Variants in DPP6 observed in about 807,000 individuals in gnomAD.
The protein encoded by DPP6 is A-type potassium channel modulatory protein DPP6.
In DPP6, 69 loss-of-function variants were observed where a neutral mutation model predicts 122.6. That is an observed-to-expected ratio of 0.56 (90% CI 0.46 to 0.69). The LOEUF is 0.69. DPP6 is among the 30% of genes least tolerant of loss of function. DPP6 has a pLI of 0.00. For missense variants in DPP6, 928 were observed against 1,116.9 expected, an observed-to-expected ratio of 0.83 and a Z score of 2.41; for synonymous variants, 418 against 433.1, an observed-to-expected ratio of 0.97 and a Z score of 0.43.
intron 1 of DPP6, among the ~76,000 whole-genome samples, chr7:154,208,429 G>T (rs564501239): frequency 6.6e-6 from 1 of 152,312 alleles, no homozygotes; most frequent in East Asian, 1.9e-4. Context: ...CCAGGGCTTC[G>T]CAAGGCCCAG....
Position 154,570,365 on chromosome 7 carries a change from A to G in DPP6, c.627+3449A>G, listed in dbSNP as rs10240448. Among the ~76,000 whole-genome samples, 1,275 of 152,088 alleles carry G rather than the reference A, an allele frequency of 8.4e-3. 46 individuals carry two copies. The highest frequency in any genetic ancestry group is 0.029 in the African/African-American group (1,197 of 41,364). On this transcript the variant is annotated intron_variant, in intron 5 of 25. Transcript: ENST00000377770. ...ATTTCCCAGTTGTTTGGCATAGACT[A>G]ATTTAATTTGTCCATTTTTATATTG...
At chr7:154,160,732 C>T (rs1488136664) in intron 1 of DPP6, among the ~76,000 whole-genome samples, 2 of 152,108 alleles carry the variant, frequency 1.3e-5, no homozygotes, top group African/African-American at 4.8e-5. Context: ...CGGCTCACTT[C>T]CAGAAGACAG....
At chr7:154,446,394 A>T (rs1156715611) in intron 2 of DPP6, 66 bp downstream of exon 2, 5 of 1,253,316 alleles carry the variant, frequency 4.0e-6, no homozygotes, top group Non-Finnish European at 5.6e-6. Flanking sequence ...TTACCTTGCA[A>T]TTTTTTTCTA....
At chr7:153,774,587 A>G in the DPP6 span, among the ~76,000 whole-genome samples, 1 of 152,210 alleles carries the variant, frequency 6.6e-6, no homozygotes, top group Non-Finnish European at 1.5e-5. Flanking sequence ...TATCAATTAA[A>G]TACATTGAAG....
chr7:154,092,280 G>A (rs1345001852), intron 1 of DPP6: 1 of 152,160 alleles, frequency 6.6e-6, no homozygotes, highest in Non-Finnish European at 1.5e-5. Context: ...CAGAGGCACA[G>A]GACCGTGACC....
the DPP6 span, among the ~76,000 whole-genome samples, chr7:153,785,123 C>A: frequency 4.6e-5 from 7 of 152,056 alleles, no homozygotes; most frequent in African/African-American, 1.7e-4. Flanking sequence ...GTTGGTGATG[C>A]TTGGTTGGGA....
chr7:153,840,020 A>G, the DPP6 span, among the ~76,000 whole-genome samples: 1 of 152,214 alleles, frequency 6.6e-6, no homozygotes, highest in African/African-American at 2.4e-5. Context: ...TGAAAGCTCT[A>G]CATAGCCACT....
At chr7:153,906,581 G>A (rs910484920) in intron 1 of DPP6, among the ~76,000 whole-genome samples, 8 of 152,170 alleles carry the variant, frequency 5.3e-5, no homozygotes, top group South Asian at 2.1e-4. Flanking sequence ...CTCCTGAGTA[G>A]CTGGGACCAC....
intron 1 of DPP6, among the ~76,000 whole-genome samples, chr7:154,062,322 G>C (rs368733997): frequency 1.1e-4 from 7 of 62,358 alleles, no homozygotes; most frequent in Admixed American, 1.7e-4. Context: ...CCCCATCGCA[G>C]GAGGGGGAGG....
chr7:154,297,350 C>A (rs1332739965), intron 1 of DPP6, among the ~76,000 whole-genome samples: 1 of 152,194 alleles, frequency 6.6e-6, no homozygotes, highest in Non-Finnish European at 1.5e-5. Flanking sequence ...GGCTTAGCTG[C>A]ATTCCAATAA....
At chr7:154,677,423 G>A (rs538667534) in intron 7 of DPP6, among the ~76,000 whole-genome samples, 7 of 152,106 alleles carry the variant, frequency 4.6e-5, no homozygotes, top group Non-Finnish European at 1.0e-4. Flanking sequence ...CTTACCTTAT[G>A]GCATTGGGGT....
At chr7:154,564,851 G>A (rs1042425387) in intron 4 of DPP6, among the ~76,000 whole-genome samples, 1 of 152,190 alleles carries the variant, frequency 6.6e-6, no homozygotes, top group Non-Finnish European at 1.5e-5. Flanking sequence ...AACTGCAGCA[G>A]AACAAAGCAC....
At chr7:153,804,414 T>C in the DPP6 span, among the ~76,000 whole-genome samples, 4 of 152,162 alleles carry the variant, frequency 2.6e-5, no homozygotes, top group African/African-American at 9.7e-5. Flanking sequence ...AATTTTAGTG[T>C]AGAGATAATT....
At chr7:154,593,493 GGACTATT>G (rs1832920404) in intron 5 of DPP6, among the ~76,000 whole-genome samples, 1 of 152,122 alleles carries the variant, frequency 6.6e-6, no homozygotes, top group Non-Finnish European at 1.5e-5. Flanking sequence ...CTTGGATGTT[GGACTATT>G]GATTATCAAC....
chr7:154,630,654 A>T (rs948617548), intron 5 of DPP6, among the ~76,000 whole-genome samples: 1 of 152,230 alleles, frequency 6.6e-6, no homozygotes, highest in Admixed American at 6.5e-5. Context: ...TGAAGCTGGA[A>T]GCCATCATTC....
chr7:154,865,117 C>T (rs985905779), intron 17 of DPP6, among the ~76,000 whole-genome samples: 6 of 152,176 alleles, frequency 3.9e-5, no homozygotes, highest in African/African-American at 1.2e-4. Context: ...TCCAGACAGG[C>T]TCTTGCCACT....
At chr7:153,798,925 G>A in the DPP6 span, among the ~76,000 whole-genome samples, 6 of 152,192 alleles carry the variant, frequency 3.9e-5, no homozygotes, top group South Asian at 2.1e-4. Flanking sequence ...TCACAACAGA[G>A]TTCCAGCTCC....
At position 154,404,052 on chromosome 7, in the gene DPP6, T is replaced by C. The variant is rs186699936; in HGVS notation, c.244-42162T>C. Among the ~76,000 whole-genome samples, 183 of 152,320 alleles carry C rather than the reference T, an allele frequency of 1.2e-3. 2 individuals are homozygous for C. The highest frequency in any genetic ancestry group is 6.8e-3 in the Middle Eastern group (2 of 294). ...TCCTTCACAAACACACCCCAGAGAT[T>C]AGCTCATTATAGGTTTTATTCAACA... On this transcript the variant is annotated intron_variant, in intron 1 of 25. Transcript: ENST00000377770.
chr7:153,851,110 A>G, the DPP6 span, among the ~76,000 whole-genome samples: 2 of 152,140 alleles, frequency 1.3e-5, no homozygotes, highest in Non-Finnish European at 2.9e-5. Flanking sequence ...CAGATTATAT[A>G]TTCTTCCCTT....
Sources: gnomAD v4.1 joint callset for allele counts (sites outside exome capture counted in the v4.1 genomes callset) on GRCh38, gnomAD v4.1.1 for gene constraint, MANE v1.5 for transcripts, NCBI Gene and HGNC (gene_info 2026-07-23, HGNC 2026-07-21) for gene names.